Variants in TANK observed in about 807,000 individuals in gnomAD.
TANK encodes the protein TRAF family member associated NFKB activator, also known as TRAF family member-associated NF-kappa-B activator.
A neutral mutation model predicts 43.6 loss-of-function variants in TANK; 15 were observed. That is an observed-to-expected ratio of 0.34 (90% CI 0.23 to 0.53). The LOEUF (loss-of-function observed/expected upper bound fraction) is 0.53. Among genes scored for constraint, TANK ranks in the 20% least tolerant of loss-of-function variants. The pLI, the probability that TANK is intolerant of heterozygous loss-of-function variation, is 0.94. For synonymous variants in TANK, 162 were observed against 178.2 expected (o/e 0.91, Z 0.73); for missense variants, 417 against 498.6 (o/e 0.84, Z 1.56).
chr2:161,200,383 T>C (rs1686348687), intron 2 of TANK: 6 of 984,834 alleles, frequency 6.1e-6, no homozygotes, highest in Non-Finnish European at 6.0e-6. Context: ...TAGGCAGATA[T>C]GTTCTGTGAA....
intron 1 of TANK, chr2:161,161,087 T>C: frequency 1.1e-6 from 1 of 913,792 alleles, no homozygotes; most frequent in Non-Finnish European, 1.6e-6. Context: ...CCGCCCACAG[T>C]GGGAACCCAG....
At chr2:161,140,920 C>T (rs545260144) in intron 1 of TANK, among the ~76,000 whole-genome samples, 4 of 152,024 alleles carry the variant, frequency 2.6e-5, no homozygotes, top group Non-Finnish European at 5.9e-5. Context: ...CTACCCCCAC[C>T]ACTCACAGCA....
At chr2:161,155,265 A>G (rs1215212959) in intron 1 of TANK, among the ~76,000 whole-genome samples, 1 of 151,960 alleles carries the variant, frequency 6.6e-6, no homozygotes, top group Non-Finnish European at 1.5e-5. Flanking sequence ...TTGTGACCAT[A>G]TTATTATTAT....
At chr2:161,157,313 G>A (rs549242433), upstream of TANK, among the ~76,000 whole-genome samples, 1 of 152,324 alleles carries the variant, frequency 6.6e-6, no homozygotes, top group South Asian at 2.1e-4. Context: ...TTTTCTGTGA[G>A]TTAGAAAAAG....
chr2:161,176,308 T>G (rs1242254619), intron 1 of TANK, among the ~76,000 whole-genome samples: 1 of 152,172 alleles, frequency 6.6e-6, no homozygotes, highest in Non-Finnish European at 1.5e-5. Context: ...AGACTTTCCT[T>G]TTTCTCTGGT....
At chr2:161,177,435 G>A (rs996269429) in intron 1 of TANK, among the ~76,000 whole-genome samples, 4 of 152,068 alleles carry the variant, frequency 2.6e-5, no homozygotes, top group African/African-American at 9.7e-5. Context: ...GCTATTCATG[G>A]GAAAAGAATA....
chr2:161,223,546 A>G (rs969817721), intron 4 of TANK: 2 of 156,578 alleles, frequency 1.3e-5, no homozygotes, highest in African/African-American at 4.8e-5. Context: ...ATATCAAAAG[A>G]AGTAGACACA....
At chr2:161,213,836 T>C (rs529102216) in intron 4 of TANK, among the ~76,000 whole-genome samples, 5 of 152,234 alleles carry the variant, frequency 3.3e-5, no homozygotes, top group African/African-American at 1.2e-4. Context: ...GGTAGTGTCT[T>C]AAAATGTTAG....
intron 4 of TANK, chr2:161,223,252 A>G (rs965097645): frequency 6.6e-6 from 1 of 152,084 alleles, no homozygotes; most frequent in African/African-American, 2.4e-5. Context: ...TATTTAAACC[A>G]TAGAATACAT....
chr2:161,195,385 G>A (rs1686100071), intron 2 of TANK, among the ~76,000 whole-genome samples: 1 of 152,132 alleles, frequency 6.6e-6, no homozygotes, highest in Admixed American at 6.5e-5. Flanking sequence ...ATGTCTGTTG[G>A]GGACTTGACC....
At chr2:161,210,307 C>A (rs887487564) in intron 4 of TANK, among the ~76,000 whole-genome samples, 11 of 152,112 alleles carry the variant, frequency 7.2e-5, no homozygotes, top group Non-Finnish European at 1.5e-4. Flanking sequence ...ATCACTTACA[C>A]AAGAAGTAGT....
chr2:161,172,658 C>A (rs979443380), intron 1 of TANK, among the ~76,000 whole-genome samples: 1 of 152,082 alleles, frequency 6.6e-6, no homozygotes, highest in Non-Finnish European at 1.5e-5. Context: ...GTTTTGAAAA[C>A]CAGTGGCTGG....
At chr2:161,181,599 GGAGA>G (rs368316076) in intron 2 of TANK, among the ~76,000 whole-genome samples, 4 of 152,072 alleles carry the variant, frequency 2.6e-5, no homozygotes, top group Admixed American at 2.0e-4. Flanking sequence ...AAAGGTGGCA[GGAGA>G]GAGAGAGAGC....
chr2:161,160,791 G>C, intron 1 of TANK: 1 of 556,962 alleles, frequency 1.8e-6, no homozygotes, highest in Non-Finnish European at 3.5e-6. Context: ...CTTTGCCCGG[G>C]AAATGGGGGT....
upstream of TANK, among the ~76,000 whole-genome samples, chr2:161,159,805 T>C (rs1415749416): frequency 6.6e-6 from 1 of 152,242 alleles, no homozygotes; most frequent in Non-Finnish European, 1.5e-5. Flanking sequence ...TCTTAATTCA[T>C]GGGAAATTTT....
At chr2:161,148,290 A>AT (rs1683973612) in intron 1 of TANK, among the ~76,000 whole-genome samples, 1 of 152,090 alleles carries the variant, frequency 6.6e-6, no homozygotes, top group Admixed American at 6.6e-5. Context: ...AATGTCAAGC[A>AT]TTTTTTCATG....
chr2:161,169,875 G>A (rs904965315), intron 1 of TANK, among the ~76,000 whole-genome samples: 29 of 152,150 alleles, frequency 1.9e-4, no homozygotes, highest in African/African-American at 7.0e-4. Context: ...CCTCTGTAAA[G>A]GGAAGACAAT....
intron 1 of TANK, among the ~76,000 whole-genome samples, chr2:161,168,963 C>G (rs923654441): frequency 1.3e-5 from 2 of 152,152 alleles, no homozygotes; most frequent in African/African-American, 2.4e-5. Flanking sequence ...CCAAAGGATC[C>G]GTTAAGTCAG....
chr2:161,226,631 A>AGATATGAT (rs554378416), intron 6 of TANK, among the ~76,000 whole-genome samples: 1 of 152,156 alleles, frequency 6.6e-6, no homozygotes, highest in Non-Finnish European at 1.5e-5. Context: ...TTAAATAACC[A>AGATATGAT]GATATGATTC....
Sources: gnomAD v4.1 joint callset for allele counts (sites outside exome capture counted in the v4.1 genomes callset) on GRCh38, gnomAD v4.1.1 for gene constraint, MANE v1.5 for transcripts, NCBI Gene and HGNC (gene_info 2026-07-23, HGNC 2026-07-21) for gene names.